Variants in PROM2 observed in about 807,000 individuals in gnomAD.
PROM2 encodes prominin 2.
PROM2 carries 90 observed loss-of-function variants against 110.2 expected under a neutral mutation model. The ratio of observed to expected loss-of-function variants is 0.82; its 90% CI spans 0.69 to 0.97. The LOEUF (loss-of-function observed/expected upper bound fraction) is 0.97. Among genes scored for constraint, PROM2 ranks in the 50% least tolerant of loss-of-function variants. The pLI is 0.00. For synonymous variants in PROM2, 470 were observed against 467.8 expected (o/e 1.00, Z -0.06); for missense variants, 1,009 against 1,074.8 (o/e 0.94, Z 0.86).
chr2:95,274,476 G>A lies in PROM2; in HGVS notation c.-110G>A. On this transcript the variant is annotated 5_prime_UTR_variant, in exon 1 of 24. Transcript: ENST00000317620. Reference sequence around the variant, plus strand: ...TAGCTCAGGAACCCAAACCTGTCGGGCAGGTTTTGAGAGCTGTGGAGAGAG... The same window carrying A: ...TAGCTCAGGAACCCAAACCTGTCGGACAGGTTTTGAGAGCTGTGGAGAGAG... 1 of 1,364,900 alleles carries A rather than the reference G, an allele frequency of 7.3e-7. No homozygotes were observed. Among genetic ancestry groups the A allele is most frequent in the Non-Finnish European group, 9.7e-7 (1 of 1,032,874 alleles). 84.5% of individuals were successfully genotyped at this position (1,364,900 alleles called of 1,614,324 possible).
chr2:95,279,942 G>T lies in PROM2; in HGVS notation c.1372G>T (p.Asp458Tyr). 6.5e-7 allele frequency: 1 copy of T among 1,534,576 alleles called. No homozygotes were observed. Among genetic ancestry groups the T allele is most frequent in the Non-Finnish European group, 8.8e-7 (1 of 1,138,434 alleles). Reference sequence around the variant, plus strand: ...GGGCATCTGGGGCCTGTCTGCCAGGGACGACCCCAGCCACCCAGAAGCCAA... The same window carrying T: ...GGGCATCTGGGGCCTGTCTGCCAGGTACGACCCCAGCCACCCAGAAGCCAA... ...NLGIWGLSAR[D>Y]DPSHPEAKGE... Residue 458 changes from aspartate to tyrosine, a missense_variant, in exon 11 of 24, where the codon GAC (aspartate) becomes TAC (tyrosine). Coordinates refer to ENST00000317620, the MANE Select transcript of PROM2 (RefSeq NM_001165978.3).
Position 95,281,295 on chromosome 2 carries a change from C to A in PROM2, c.1481C>A (p.Ala494Asp), listed in dbSNP as rs772557535. ...GCACCCCTCATCCTCCTGGTGTTCG[C>A]CACCTTCCTGGTGGGTGGCAACGTG... ...FAAPLILLVFATFLVGGNVQT... is the reference protein window; with the variant it reads ...FAAPLILLVFDTFLVGGNVQT... Residue 494 changes from alanine to aspartate, a missense_variant, in exon 12 of 24, where the codon GCC becomes GAC. By Grantham distance (126) the Ala-to-Asp change is moderately radical. Transcript: ENST00000317620. The A allele has an allele frequency of 6.2e-6, 10 of 1,613,286 alleles. No homozygotes were observed. The highest frequency in any genetic ancestry group is 7.6e-6 in the Non-Finnish European group (9 of 1,179,952).
At chr2:95,285,509 T>A (rs571473483) in intron 15 of PROM2, 130 bp from the exon 16 acceptor site, 2 of 686,218 alleles carry the variant, frequency 2.9e-6, no homozygotes, top group South Asian at 2.0e-5. Flanking sequence ...CTGTGACTGA[T>A]GTGTCACAAT....
intron 20 of PROM2, among the ~76,000 whole-genome samples, chr2:95,287,796 A>T (rs771047370): frequency 6.6e-6 from 1 of 152,090 alleles, no homozygotes; most frequent in Non-Finnish European, 1.5e-5. Context: ...CCCGATGCAG[A>T]CCCTTGCTGA....
rs1162045843 is a variant in PROM2 at position 95,289,552 on chromosome 2, G to C, written c.*339G>C. 6.5e-6 allele frequency: 1 copy of C among 153,160 alleles called. No homozygotes were observed. The highest frequency in any genetic ancestry group is 1.4e-5 in the Non-Finnish European group (1 of 69,096). 9.5% of individuals were successfully genotyped at this position (153,160 alleles called of 1,614,324 possible). Reference sequence around the variant, plus strand: ...GCCTGGACCCTGGGGTGGGACAGAGGCCTCGTCCAACCCCACTCCCCTTCC... The same window carrying C: ...GCCTGGACCCTGGGGTGGGACAGAGCCCTCGTCCAACCCCACTCCCCTTCC... On this transcript the variant is annotated 3_prime_UTR_variant, in exon 24 of 24. Transcript: ENST00000317620.
At chr2:95,287,027 C>A in intron 18 of PROM2, 106 bp from the exon 19 acceptor site, 1 of 1,296,928 alleles carries the variant, frequency 7.7e-7, no homozygotes, top group Non-Finnish European at 1.1e-6. Context: ...CTTGGCTTGT[C>A]TGTTGGAGCT....
In PROM2 at chr2:95,285,090, T is replaced by C. The variant is rs769697308; in HGVS notation, c.1850T>C (p.Ile617Thr). The change falls in exon 15 of 24, where the codon ATC (isoleucine) becomes ACC (threonine). Residue 617 changes from isoleucine (I) to threonine (T), a missense_variant. Coordinates refer to ENST00000317620, the MANE Select transcript of PROM2 (RefSeq NM_001165978.3). ...EALQSSGLQR[I>T]HYPDFLVQIQ... ...CTGCAGAGCAGTGGGCTTCAGCGCATCCACTACCCCGACTTCCTCGTTCAG... is the reference window on the plus strand; with the variant it reads ...CTGCAGAGCAGTGGGCTTCAGCGCACCCACTACCCCGACTTCCTCGTTCAG... 6 of 1,585,484 alleles carry C rather than the reference T, an allele frequency of 3.8e-6. No individual in the cohort carries two copies. The Admixed American group carries it at 1.1e-4, about 28-fold the overall frequency.
chr2:95,285,214 C>T, intron 15 of PROM2, 99 bp downstream of exon 15: 1 of 1,324,662 alleles, frequency 7.5e-7, no homozygotes, highest in Non-Finnish European at 1.0e-6. Flanking sequence ...TGTCCCAGCT[C>T]TGGCTCTTCC....
intron 9 of PROM2, 45 bp downstream of exon 9, chr2:95,278,829 A>AC (rs1218828303): frequency 1.2e-6 from 2 of 1,611,844 alleles, no homozygotes; most frequent in Non-Finnish European, 1.7e-6. Flanking sequence ...ATGGCTTCCC[A>AC]CCCCACCCCT....
chr2:95,275,400 G>A lies in PROM2; in HGVS notation c.245-61G>A, dbSNP rs1312551176. The A allele has an allele frequency of 2.0e-6, 3 of 1,514,870 alleles. No homozygotes were observed. Among genetic ancestry groups the A allele is most frequent in the East Asian group, 4.6e-5 (2 of 43,890 alleles). 93.8% of individuals were successfully genotyped at this position (1,514,870 alleles called of 1,614,324 possible). A position where few individuals can be genotyped will look rare whatever the true frequency, so the allele number is the denominator to read the frequency against. On this transcript the variant is annotated intron_variant, in intron 1 of 23. Coordinates refer to ENST00000317620, the MANE Select transcript of PROM2 (RefSeq NM_001165978.3). The surrounding 1 kb of genome is among the most constrained non-coding windows in gnomAD (Gnocchi z 4.4). Reference sequence around the variant, plus strand: ...CACTTTGCCCTGGCAGTGGGGAGAGGAGGGACACAGGGGCAGGGCAGTGGC... The same window carrying A: ...CACTTTGCCCTGGCAGTGGGGAGAGAAGGGACACAGGGGCAGGGCAGTGGC...
intron 17 of PROM2, 106 bp downstream of exon 17, chr2:95,286,677 TC>T: frequency 2.4e-6 from 1 of 416,734 alleles, no homozygotes; most frequent in Non-Finnish European, 4.5e-6. Context: ...TCCCCTCCTC[TC>T]CCCTCCTCTC....
In PROM2 at chr2:95,288,175, T is replaced by C. The variant is rs1377131695; in HGVS notation, c.2245-36T>C. 3.7e-6 allele frequency: 6 copies of C among 1,604,992 alleles called. No homozygotes were observed. In the African/African-American group the frequency reaches 8.0e-5, roughly 21 times the overall value. On this transcript the variant is annotated intron_variant, in intron 20 of 23. Coordinates refer to ENST00000317620, the MANE Select transcript of PROM2 (RefSeq NM_001165978.3). Reference sequence around the variant, plus strand: ...ATGGGTGTGCGCCTGTGGGTCCAGGTGTCTCTGCATCACCTGCCTCATGTT... The same window carrying C: ...ATGGGTGTGCGCCTGTGGGTCCAGGCGTCTCTGCATCACCTGCCTCATGTT...
Position 95,285,626 on chromosome 2 carries a change from T to G in PROM2, c.1876-13T>G, listed in dbSNP as rs776565012. The G allele has an allele frequency of 1.3e-6, 2 of 1,585,552 alleles. No individual in the cohort carries two copies. On this transcript the variant is annotated splice_polypyrimidine_tract_variant and intron_variant, in intron 15 of 23. Transcript: ENST00000317620. The stretch of plus-strand genomic sequence containing the variant: ...TGGGTTCATCCCTCCTGGCCTCTTC[T>G]GTCCACCTGCAGATCCAGAGGCCCG...
intron 14 of PROM2, among the ~76,000 whole-genome samples, chr2:95,282,465 C>T (rs1226884331): frequency 6.6e-6 from 1 of 152,130 alleles, no homozygotes; most frequent in Non-Finnish European, 1.5e-5. Flanking sequence ...AAGGTGGCAG[C>T]AGGAAAGGCT....
At chr2:95,285,771 A>G in intron 16 of PROM2, 61 bp downstream of exon 16, 2 of 1,499,100 alleles carry the variant, frequency 1.3e-6, no homozygotes, top group Non-Finnish European at 1.8e-6. Context: ...GGGAGGCGGG[A>G]AAGGGTGGGA....
Position 95,288,606 on chromosome 2 carries a change from G to T in PROM2, c.2441+17G>T. ...ACGCCTCAGGTGAGGGGCTGCCAGG[G>T]CTGCAGGCAGCATCAGGGGCCAGGG... On this transcript the variant is annotated intron_variant, in intron 22 of 23. Coordinates refer to ENST00000317620, the MANE Select transcript of PROM2 (RefSeq NM_001165978.3). 6.2e-7 allele frequency: 1 copy of T among 1,600,070 alleles called. No homozygotes were observed.
intron 8 of PROM2, 188 bp from the exon 9 acceptor site, chr2:95,278,533 G>T: frequency 1.5e-6 from 1 of 670,724 alleles, no homozygotes. Flanking sequence ...AGGTCCGGGA[G>T]GAGCAACGTT....
intron 15 of PROM2, 56 bp from the exon 16 acceptor site, chr2:95,285,583 G>A (rs553107554): frequency 1.4e-6 from 2 of 1,455,970 alleles, no homozygotes; most frequent in Non-Finnish European, 1.9e-6. Flanking sequence ...ATCAGGTGGT[G>A]GTGGGCCCCA....
chr2:95,281,458 G>A (rs1229186910), intron 12 of PROM2, 93 bp downstream of exon 12: 2 of 1,363,312 alleles, frequency 1.5e-6, no homozygotes, highest in Non-Finnish European at 2.0e-6. Context: ...GGGGGTCGGG[G>A]GGTAAAAGGG....
Sources: allele counts gnomAD v4.1 joint callset (sites outside exome capture counted in the v4.1 genomes callset), GRCh38; gene constraint gnomAD v4.1.1; non-coding constraint Gnocchi (gnomAD v3.1); transcripts MANE v1.5; gene names NCBI Gene and HGNC (gene_info 2026-07-23, HGNC 2026-07-21).